PTPRD: variants seen among roughly 807,000 people sequenced by gnomAD.
The protein encoded by PTPRD is receptor-type tyrosine-protein phosphatase delta.
In PTPRD, 34 loss-of-function variants were observed where a neutral mutation model predicts 214.5. The observed-to-expected ratio is 0.16, with a 90% CI of 0.12 to 0.21. The LOEUF is 0.21. PTPRD is among the 10% of genes least tolerant of loss of function. The pLI is 1.00. For synonymous variants in PTPRD, 1,128 were observed against 845.7 expected (o/e 1.33, Z -5.79); for missense variants, 2,545 against 2,398.7 (o/e 1.06, Z -1.27).
intron 11 of PTPRD, among the ~76,000 whole-genome samples, chr9:8,952,328 ATAAG>A (rs1483271483): frequency 6.6e-5 from 10 of 152,004 alleles, no homozygotes; most frequent in Non-Finnish European, 1.5e-4. Context: ...GCATATTAAT[ATAAG>A]TAATTGTCAT....
chr9:8,762,782 T>A (rs905242995), intron 11 of PTPRD, among the ~76,000 whole-genome samples: 26 of 152,192 alleles, frequency 1.7e-4, no homozygotes, highest in Non-Finnish European at 3.5e-4. Flanking sequence ...GGGAGAAATT[T>A]TTATGATACT....
rs869280997 is a variant in PTPRD, at chr9:8,544,889, CTTT to C, written c.353-16113_353-16111del. Among the ~76,000 whole-genome samples, 330 of 118,690 alleles carry C rather than the reference CTTT, an allele frequency of 2.8e-3. 2 individuals are homozygous for C. Among genetic ancestry groups the C allele is most frequent in the African/African-American group, 8.7e-3 (265 of 30,624 alleles). The allele number at this position is 118,690 out of a possible 152,430, so 77.9% of individuals were successfully genotyped here. On this transcript the variant is annotated intron_variant, in intron 14 of 45. Coordinates refer to ENST00000381196, the MANE Select transcript of PTPRD (RefSeq NM_002839.4). ...CAGCTGGGTCATACTAAAGACAGTCCTTTTTTTTTTTTTTTTTTTTTTAATTGT... is the reference window on the plus strand; with the variant it reads ...CAGCTGGGTCATACTAAAGACAGTCCTTTTTTTTTTTTTTTTTTTAATTGT...
chr9:10,249,787 G>A (rs1249115220), intron 3 of PTPRD, among the ~76,000 whole-genome samples: 1 of 152,010 alleles, frequency 6.6e-6, no homozygotes, highest in East Asian at 1.9e-4. Flanking sequence ...ATATCATACA[G>A]AGCTACCTAT....
intron 4 of PTPRD, among the ~76,000 whole-genome samples, chr9:9,995,324 CA>C (rs1292988707): frequency 6.6e-6 from 1 of 151,960 alleles, no homozygotes; most frequent in East Asian, 1.9e-4. Flanking sequence ...AAAAAGAGAA[CA>C]ATCAAACAAA....
At chr9:10,477,826 T>C (rs947481675) in intron 2 of PTPRD, among the ~76,000 whole-genome samples, 13 of 152,152 alleles carry the variant, frequency 8.5e-5, no homozygotes. Flanking sequence ...TCATGTCCTT[T>C]GCAGTAACAT....
chr9:9,567,906 T>C (rs777553296), intron 8 of PTPRD, among the ~76,000 whole-genome samples: 5 of 151,922 alleles, frequency 3.3e-5, no homozygotes, highest in South Asian at 2.1e-4. Flanking sequence ...GGGATTGTCA[T>C]AAAATCTTAA....
chr9:9,665,947 A>G lies in PTPRD; in HGVS notation c.-287+68586T>C, dbSNP rs1482728382. The stretch of plus-strand genomic sequence containing the variant: ...CCAAAGAATGTATATAAAGTCCAGA[A>G]AGAGGAAAGGAATAAATTATAAAGA... On this transcript the variant is annotated intron_variant, in intron 7 of 45. Coordinates refer to ENST00000381196, the MANE Select transcript of PTPRD (RefSeq NM_002839.4). Among the ~76,000 whole-genome samples, 13 of 151,924 alleles carry G rather than the reference A, an allele frequency of 8.6e-5. 1 individual carries two copies. The highest frequency in any genetic ancestry group is 8.5e-4 in the Admixed American group (13 of 15,234).
chr9:10,287,617 C>G (rs570745340), intron 3 of PTPRD, among the ~76,000 whole-genome samples: 1 of 152,104 alleles, frequency 6.6e-6, no homozygotes. Context: ...ACAAGCTCAA[C>G]CAGGAAGCCT....
At chr9:10,436,841 C>T (rs1303629464) in intron 2 of PTPRD, among the ~76,000 whole-genome samples, 1 of 151,720 alleles carries the variant, frequency 6.6e-6, no homozygotes, top group African/African-American at 2.4e-5. Flanking sequence ...AGAACTAACG[C>T]CTGAGGCTTG....
intron 2 of PTPRD, among the ~76,000 whole-genome samples, chr9:10,583,465 T>G (rs2072761613): frequency 6.6e-6 from 1 of 151,830 alleles, no homozygotes; most frequent in Non-Finnish European, 1.5e-5. Context: ...TTCTTTTTTT[T>G]TTTTTAGACG....
intron 2 of PTPRD, among the ~76,000 whole-genome samples, chr9:10,489,226 G>A (rs1377563197): frequency 2.0e-5 from 3 of 152,074 alleles, no homozygotes; most frequent in Non-Finnish European, 4.4e-5. Flanking sequence ...GTATCCTTCT[G>A]CCCCTGGGTG....
At chr9:10,380,491 C>G (rs190247274) in intron 2 of PTPRD, among the ~76,000 whole-genome samples, 1 of 151,984 alleles carries the variant, frequency 6.6e-6, no homozygotes, top group Admixed American at 6.6e-5. Context: ...CCTCTAAAAA[C>G]GAAACACATA....
At chr9:8,895,689 T>C (rs546034118) in intron 11 of PTPRD, among the ~76,000 whole-genome samples, 10 of 152,216 alleles carry the variant, frequency 6.6e-5, no homozygotes, top group Non-Finnish European at 1.5e-4. Context: ...CTTCAGCATG[T>C]CACACTTGAT....
At chr9:9,743,859 T>TA (rs549287178) in intron 6 of PTPRD, among the ~76,000 whole-genome samples, 78 of 152,154 alleles carry the variant, frequency 5.1e-4, no homozygotes, top group African/African-American at 1.5e-3. Flanking sequence ...CTTGAATTTT[T>TA]ATCCAAGAAG....
intron 3 of PTPRD, among the ~76,000 whole-genome samples, chr9:10,246,906 AAATAAAC>A (rs1329110503): frequency 2.0e-5 from 3 of 151,684 alleles, no homozygotes; most frequent in Non-Finnish European, 2.9e-5. Flanking sequence ...ATAAATAAAT[AAATAAAC>A]AATAAATATA....
chr9:9,009,972 G>A (rs945263018), intron 11 of PTPRD, among the ~76,000 whole-genome samples: 2 of 152,010 alleles, frequency 1.3e-5, no homozygotes, highest in African/African-American at 4.8e-5. Context: ...GTTCTCTTAG[G>A]CCTTCCCTTT....
chr9:8,548,072 G>A (rs1008215507), intron 14 of PTPRD, among the ~76,000 whole-genome samples: 21 of 152,142 alleles, frequency 1.4e-4, no homozygotes, highest in African/African-American at 5.1e-4. Context: ...CGATTTTGCT[G>A]GAGACCAGAG....
chr9:10,399,027 T>G (rs1306545390), intron 2 of PTPRD, among the ~76,000 whole-genome samples: 2 of 152,004 alleles, frequency 1.3e-5, no homozygotes, highest in Non-Finnish European at 1.5e-5. Context: ...GACTGATTTC[T>G]CTTCTGTAGG....
chr9:8,532,968 AC>A (rs796364003), intron 14 of PTPRD, among the ~76,000 whole-genome samples: 6 of 152,134 alleles, frequency 3.9e-5, no homozygotes, highest in African/African-American at 9.6e-5. Flanking sequence ...CTTATTAACA[AC>A]CCTGACCTAC....
Sources: gnomAD v4.1 joint callset for allele counts (sites outside exome capture counted in the v4.1 genomes callset) on GRCh38, gnomAD v4.1.1 for gene constraint, MANE v1.5 for transcripts, NCBI Gene and HGNC (gene_info 2026-07-23, HGNC 2026-07-21) for gene names.